CLSTN3: variants seen among roughly 807,000 people sequenced by gnomAD.
CLSTN3 encodes the protein calsyntenin 3, also known as calsyntenin-3.
In CLSTN3, 36 loss-of-function variants were observed where a neutral mutation model predicts 95.9. The observed-to-expected ratio is 0.38, with a 90% CI of 0.29 to 0.50. CLSTN3 has a LOEUF of 0.50. CLSTN3 is among the 20% of genes least tolerant of loss of function. CLSTN3 has a pLI of 0.95. For synonymous variants in CLSTN3, 481 were observed against 504.0 expected, an observed-to-expected ratio of 0.95 and a Z score of 0.61; for missense variants, 1,084 against 1,268.8, an observed-to-expected ratio of 0.85 and a Z score of 2.21.
intron 11 of CLSTN3, 28 bp from the exon 12 acceptor site, chr12:7,143,135 C>G: frequency 6.2e-7 from 1 of 1,608,144 alleles, no homozygotes; most frequent in South Asian, 1.1e-5. Flanking sequence ...TGGCCCTGCT[C>G]TCAGCTGTAT....
chr12:7,138,019 C>T lies in CLSTN3; in HGVS notation c.1275C>T (p.Pro425=), dbSNP rs751658003. 1 of 1,613,872 alleles carries T rather than the reference C, an allele frequency of 6.2e-7. No homozygotes were observed. Among genetic ancestry groups the T allele is most frequent in the South Asian group, 1.1e-5 (1 of 91,060 alleles). The change falls in exon 8 of 18, where the codon CCC becomes CCT. Residue 425 remains proline (P), a synonymous_variant. Coordinates refer to ENST00000266546, the MANE Select transcript of CLSTN3 (RefSeq NM_014718.4). ...GTAGGATTGCCTTCCTCTACTGGCC[C>T]CTGCTTGAGAGTGCCCGCCCAGTCA... ...HGCRIAFLYW[P]LLESARPVKF...
chr12:7,136,309 C>A lies in CLSTN3; in HGVS notation c.846C>A (p.Ala282=). The change falls in exon 6 of 18, where the codon GCC becomes GCA. Residue 282 remains alanine (A), a synonymous_variant. Transcript: ENST00000266546. ...ATGAACCACTCTGGAACATTCAGGC[C>A]ACCATAGAGCTGCAGACCAGCCATG... ...TCDEPLWNIQ[A]TIELQTSHVA... is the part of the protein sequence containing the mutation. The A allele has an allele frequency of 3.1e-6, 5 of 1,614,186 alleles. No individual in the cohort carries two copies. Among genetic ancestry groups the A allele is most frequent in the Non-Finnish European group, 4.2e-6 (5 of 1,180,028 alleles).
Position 7,133,884 on chromosome 12 carries a change from C to T in CLSTN3, c.383+116C>T, listed in dbSNP as rs1939355308. 1.2e-6 allele frequency: 1 copy of T among 868,280 alleles called. No homozygotes were observed. The highest frequency in any genetic ancestry group is 1.7e-6 in the Non-Finnish European group (1 of 574,182). 53.8% of individuals were successfully genotyped at this position (868,280 alleles called of 1,614,324 possible). On this transcript the variant is annotated intron_variant, in intron 3 of 17. Coordinates refer to ENST00000266546, the MANE Select transcript of CLSTN3 (RefSeq NM_014718.4). This position sits in a 1 kb window ranked among gnomAD's most constrained non-coding sequence, Gnocchi z 4.7. ...TATCCACCCCCACCCGCTGCTGTTC[C>T]TAGGACTTAGGGAGCCCCATCCCCT... is the stretch of plus-strand genomic sequence containing the variant.
intron 10 of CLSTN3, 68 bp downstream of exon 10, chr12:7,142,207 T>C (rs769296100): frequency 7.2e-7 from 1 of 1,380,118 alleles, no homozygotes; most frequent in East Asian, 2.3e-5. Flanking sequence ...AGATCCCTTT[T>C]CCACCCCAAA....
At position 7,158,284 on chromosome 12, in the gene CLSTN3, C is replaced by T. The variant is rs908567785; in HGVS notation, c.*203C>T. On this transcript the variant is annotated 3_prime_UTR_variant, in exon 18 of 18. Coordinates refer to ENST00000266546, the MANE Select transcript of CLSTN3 (RefSeq NM_014718.4). ...CGGCCCCCCATCCCTCACTTCTGGG[C>T]TGTCATGCTCCTGGTGTGCCCCTTG... The T allele has an allele frequency of 2.6e-5, 15 of 575,236 alleles. No homozygotes were observed. Among genetic ancestry groups the T allele is most frequent in the Non-Finnish European group, 4.4e-5 (15 of 338,918 alleles). The allele number at this position is 575,236 out of a possible 1,614,324, so 35.6% of individuals were successfully genotyped here. A position where few individuals can be genotyped will look rare whatever the true frequency, so the allele number is the denominator to read the frequency against.
chr12:7,141,631 C>G lies in CLSTN3; in HGVS notation c.1486+227C>G, dbSNP rs17198507. ...CTGACTTGGAGGAATTAACTTCTCA[C>G]GCATCCCCAGACTCTCTCTCTGTAA... On this transcript the variant is annotated intron_variant, in intron 9 of 17. Coordinates refer to ENST00000266546, the MANE Select transcript of CLSTN3 (RefSeq NM_014718.4). The surrounding 1 kb of genome is among the most constrained non-coding windows in gnomAD (Gnocchi z 4.1). Among the ~76,000 whole-genome samples, 18,178 of 152,190 alleles carry G rather than the reference C, an allele frequency of 0.12. 1,408 individuals are homozygous for G. The highest frequency in any genetic ancestry group is 0.22 in the South Asian group (1,083 of 4,816).
At chr12:7,139,657 T>TTA (rs1491558318) in intron 8 of CLSTN3, among the ~76,000 whole-genome samples, 69 of 56,156 alleles carry the variant, frequency 1.2e-3, no homozygotes, top group Admixed American at 2.9e-3. Flanking sequence ...ATTATTATTA[T>TTA]TTTTTTTTTT....
chr12:7,144,727 T>C (rs1939593290), intron 12 of CLSTN3, among the ~76,000 whole-genome samples: 1 of 152,166 alleles, frequency 6.6e-6, no homozygotes, highest in Non-Finnish European at 1.5e-5. Flanking sequence ...GATAAACATC[T>C]CAAATTTGCC....
rs1939529178 is a variant in CLSTN3 at position 7,141,704 on chromosome 12, T to C, written c.1486+300T>C. On this transcript the variant is annotated intron_variant, in intron 9 of 17. Transcript: ENST00000266546. The surrounding 1 kb of genome is among the most constrained non-coding windows in gnomAD (Gnocchi z 4.1). The stretch of plus-strand genomic sequence containing the variant: ...TCCATCAAAGTGATGATGACTTCCA[T>C]AGCCCATTCCCCTGCTCAAGGAGAG... Among the ~76,000 whole-genome samples the C allele has an allele frequency of 6.6e-6, 1 of 152,244 alleles. No individual in the cohort carries two copies. Among genetic ancestry groups the C allele is most frequent in the Non-Finnish European group, 1.5e-5 (1 of 68,048 alleles).
In CLSTN3 at chr12:7,137,517, A is replaced by G. The variant is rs998603722; in HGVS notation, c.1210+407A>G. Among the ~76,000 whole-genome samples the G allele has an allele frequency of 7.9e-5, 12 of 152,144 alleles. No homozygotes were observed. Among genetic ancestry groups the G allele is most frequent in the African/African-American group, 1.7e-4 (7 of 41,434 alleles). On this transcript the variant is annotated intron_variant, in intron 7 of 17. Coordinates refer to ENST00000266546, the MANE Select transcript of CLSTN3 (RefSeq NM_014718.4). The surrounding 1 kb of genome is among the most constrained non-coding windows in gnomAD (Gnocchi z 4.4). ...AACTCCGAGGCCTGTTCTTCCCTCA[A>G]CTGCAGGGCCTACTTCACTGGAGAG...
At position 7,137,122 on chromosome 12, in the gene CLSTN3, C is replaced by G. The variant is rs1381330844; in HGVS notation, c.1210+12C>G. On this transcript the variant is annotated intron_variant, in intron 7 of 17. Coordinates refer to ENST00000266546, the MANE Select transcript of CLSTN3 (RefSeq NM_014718.4). The surrounding 1 kb of genome is among the most constrained non-coding windows in gnomAD (Gnocchi z 4.4). ...CACTGTCCAGAATGGTGAGCCTCCC[C>G]TCCAGGCACTAGCCAGAGGGGGAAA... is the stretch of plus-strand genomic sequence containing the variant. The G allele has an allele frequency of 6.3e-7, 1 of 1,593,378 alleles. No homozygotes were observed. The highest frequency in any genetic ancestry group is 1.3e-5 in the African/African-American group (1 of 74,672).
chr12:7,129,177 G>T, upstream of CLSTN3: 1 of 281,738 alleles, frequency 3.5e-6, no homozygotes, highest in Admixed American at 4.2e-5. This position sits in a 1 kb window ranked among gnomAD's most constrained non-coding sequence, Gnocchi z 5.5. Flanking sequence ...TTTCTGGCAG[G>T]CTTGGGAACC....
At position 7,142,914 on chromosome 12, in the gene CLSTN3, G is replaced by C; in HGVS notation, c.1586G>C (p.Gly529Ala). The C allele has an allele frequency of 1.9e-6, 3 of 1,614,010 alleles. No individual in the cohort carries two copies. The highest frequency in any genetic ancestry group is 2.5e-6 in the Non-Finnish European group (3 of 1,179,976). Reference sequence around the variant, plus strand: ...CACTACTTCCATGGCTACCTGGCTGGTTTCAGCGTGCGCTCAGGTCGCCTG... The same window carrying C: ...CACTACTTCCATGGCTACCTGGCTGCTTTCAGCGTGCGCTCAGGTCGCCTG... Reference protein sequence around the residue: ...IHHYFHGYLAGFSVRSGRLES... With the variant: ...IHHYFHGYLAAFSVRSGRLES... The change falls in exon 11 of 18, where the codon GGT becomes GCT. Residue 529 changes from glycine to alanine, a missense_variant. Coordinates refer to ENST00000266546, the MANE Select transcript of CLSTN3 (RefSeq NM_014718.4).
In CLSTN3 at chr12:7,137,902, T is replaced by G; in HGVS notation, c.1211-53T>G. The G allele has an allele frequency of 7.5e-7, 1 of 1,337,722 alleles. No individual in the cohort carries two copies. The highest frequency in any genetic ancestry group is 1.1e-6 in the Non-Finnish European group (1 of 934,532). The allele number at this position is 1,337,722 out of a possible 1,614,324, so 82.9% of individuals were successfully genotyped here. On this transcript the variant is annotated intron_variant, in intron 7 of 17. Coordinates refer to ENST00000266546, the MANE Select transcript of CLSTN3 (RefSeq NM_014718.4). The surrounding 1 kb of genome is among the most constrained non-coding windows in gnomAD (Gnocchi z 4.4). Reference sequence around the variant, plus strand: ...TCCTCTCCTTCCTGCTGCTTTGAACTTGTTCTGGCCTCAGCCTCTGCACTT... The same window carrying G: ...TCCTCTCCTTCCTGCTGCTTTGAACGTGTTCTGGCCTCAGCCTCTGCACTT...
chr12:7,157,719 G>A lies in CLSTN3; in HGVS notation c.2730+28G>A, dbSNP rs1245362368. 1.9e-6 allele frequency: 3 copies of A among 1,552,006 alleles called. No homozygotes were observed. The highest frequency in any genetic ancestry group is 2.6e-6 in the Non-Finnish European group (3 of 1,146,900). On this transcript the variant is annotated intron_variant, in intron 17 of 17. Transcript: ENST00000266546. The surrounding 1 kb of genome is among the most constrained non-coding windows in gnomAD (Gnocchi z 5.9). ...GAGAGGCCTGGGGAAGCGGGGTTCTGTAGGGTCAAGACTGTGGAGCACACA... is the reference window on the plus strand; with the variant it reads ...GAGAGGCCTGGGGAAGCGGGGTTCTATAGGGTCAAGACTGTGGAGCACACA...
Position 7,151,026 on chromosome 12 carries a change from G to A in CLSTN3, c.2490G>A (p.Met830Ile), listed in dbSNP as rs748411884. 6 of 1,611,928 alleles carry A rather than the reference G, an allele frequency of 3.7e-6. No individual in the cohort carries two copies. Among genetic ancestry groups the A allele is most frequent in the South Asian group, 1.1e-5 (1 of 90,792 alleles). ...LHRGHQPPPE[M>I]AGHSLASSHR... ...GTGGTCACCAGCCCCCGCCTGAGAT[G>A]GCTGGACACAGCCTAGCCAGCTCCC... Residue 830 changes from methionine (M) to isoleucine (I), a missense_variant, in exon 16 of 18, where the codon ATG becomes ATA. Coordinates refer to ENST00000266546, the MANE Select transcript of CLSTN3 (RefSeq NM_014718.4).
intron 4 of CLSTN3, 51 bp downstream of exon 4, chr12:7,135,586 C>A: frequency 6.3e-7 from 1 of 1,576,620 alleles, no homozygotes; most frequent in Non-Finnish European, 8.7e-7. Flanking sequence ...TGAGCACCCA[C>A]CTCCCTCAGG....
At chr12:7,131,574 T>C (rs1219134130) in intron 1 of CLSTN3, among the ~76,000 whole-genome samples, 1 of 151,368 alleles carries the variant, frequency 6.6e-6, no homozygotes, top group Non-Finnish European at 1.5e-5. Flanking sequence ...CCCGGGAGCC[T>C]AGGAGTGAAA....
chr12:7,141,840 G>A lies in CLSTN3; in HGVS notation c.1487-246G>A, dbSNP rs966372545. 2.0e-5 allele frequency among the ~76,000 whole-genome samples: 3 copies of A among 152,156 alleles called. No individual in the cohort carries two copies. Among genetic ancestry groups the A allele is most frequent in the Non-Finnish European group, 4.4e-5 (3 of 68,030 alleles). ...GCCTGTCTGTCTTACCAGAGCCCAC[G>A]TGTTTCCTCAGCAGCATATCGTATT... On this transcript the variant is annotated intron_variant, in intron 9 of 17. Transcript: ENST00000266546. The surrounding 1 kb of genome is among the most constrained non-coding windows in gnomAD (Gnocchi z 4.1).
Sources: allele counts gnomAD v4.1 joint callset (sites outside exome capture counted in the v4.1 genomes callset), GRCh38; gene constraint gnomAD v4.1.1; non-coding constraint Gnocchi (gnomAD v3.1); transcripts MANE v1.5; gene names NCBI Gene and HGNC (gene_info 2026-07-23, HGNC 2026-07-21).